Variants in NTM observed in about 807,000 individuals in gnomAD.
NTM encodes the protein neurotrimin, also known as IgLON family member 2.
In NTM, 13 loss-of-function variants were observed where a neutral mutation model predicts 42.1. The ratio of observed to expected loss-of-function variants is 0.31; its 90% CI spans 0.20 to 0.49. The LOEUF (loss-of-function observed/expected upper bound fraction) is 0.49. Among genes scored for constraint, NTM ranks in the 20% least tolerant of loss-of-function variants. The probability of loss-of-function intolerance (pLI) is 0.99; values close to 1 mark genes in which losing one functional copy is unlikely to be tolerated. For synonymous variants in NTM, 187 were observed against 179.2 expected (o/e 1.04, Z -0.35); for missense variants, 373 against 452.8 (o/e 0.82, Z 1.60).
chr11:132,282,976 C>CTTTTTTTTT (rs142817071), intron 4 of NTM, among the ~76,000 whole-genome samples: 7,248 of 108,140 alleles, frequency 0.067, 597 homozygotes, highest in Non-Finnish European at 0.1. Flanking sequence ...TCCTTTATTC[C>CTTTTTTTTT]TTTTTTTTTT....
At chr11:131,648,710 C>A (rs559913547) in intron 1 of NTM, among the ~76,000 whole-genome samples, 1 of 152,112 alleles carries the variant, frequency 6.6e-6, no homozygotes, top group African/African-American at 2.4e-5. Flanking sequence ...TACCAACATG[C>A]CTTTATTATT....
chr11:132,315,043 G>GGAGAAAAATACTT, intron 7 of NTM: 1 of 1,074,294 alleles, frequency 9.3e-7, no homozygotes, highest in East Asian at 5.9e-5. Context: ...TCCCGAGATA[G>GGAGAAAAATACTT]GAGAAAAATA....
At chr11:131,498,061 C>G (rs1050619265) in intron 1 of NTM, among the ~76,000 whole-genome samples, 6 of 152,224 alleles carry the variant, frequency 3.9e-5, no homozygotes, top group African/African-American at 1.4e-4. Context: ...GGTGTGTTCT[C>G]TCCGTTTCTC....
At chr11:131,747,263 A>C (rs888020630) in intron 1 of NTM, among the ~76,000 whole-genome samples, 8 of 152,192 alleles carry the variant, frequency 5.3e-5, no homozygotes, top group Non-Finnish European at 2.9e-5. Context: ...TTGAATTGCC[A>C]GCTGAATAAC....
intron 4 of NTM, among the ~76,000 whole-genome samples, chr11:132,260,930 T>C (rs114235197): frequency 1.2e-4 from 19 of 152,296 alleles, no homozygotes; most frequent in African/African-American, 3.9e-4. Context: ...AGACCTACTT[T>C]CTTTAGGAAA....
chr11:131,486,373 G>A (rs4937631), intron 1 of NTM, among the ~76,000 whole-genome samples: 108,276 of 151,990 alleles, frequency 0.71, 38,977 homozygotes, highest in Non-Finnish European at 0.77. Flanking sequence ...AAGAATGTAG[G>A]TTCATTGTGC....
chr11:131,789,542 G>GA lies in NTM; in HGVS notation c.83-122020dup, dbSNP rs2090243777. ...AGAAGAAGAAGAAGAAGAAGAAGAA[G>GA]AAGAAAAGAAGAAGAAGAAGAAGAA... is the stretch of plus-strand genomic sequence containing the variant. On this transcript the variant is annotated intron_variant, in intron 1 of 8. Transcript: ENST00000683400. Among the ~76,000 whole-genome samples the GA allele has an allele frequency of 1.1e-4, 2 of 19,006 alleles. 1 individual carries two copies. Among genetic ancestry groups the GA allele is most frequent in the African/African-American group, 5.9e-4 (2 of 3,390 alleles). The allele number at this position is 19,006 out of a possible 152,430, so 12.5% of individuals were successfully genotyped here. A position where few individuals can be genotyped will look rare whatever the true frequency, so the allele number is the denominator to read the frequency against.
chr11:131,972,946 A>G (rs1202850206), intron 2 of NTM, among the ~76,000 whole-genome samples: 3 of 152,238 alleles, frequency 2.0e-5, no homozygotes, highest in Non-Finnish European at 2.9e-5. Flanking sequence ...AGTAGAAACA[A>G]TTCAACAATA....
chr11:132,205,974 A>G (rs575086043), intron 3 of NTM, among the ~76,000 whole-genome samples: 2 of 152,266 alleles, frequency 1.3e-5, no homozygotes, highest in East Asian at 3.9e-4. Flanking sequence ...TCCAGATGCT[A>G]CTTAACAGAA....
At chr11:131,675,297 G>A (rs1268933957) in intron 1 of NTM, among the ~76,000 whole-genome samples, 4 of 152,110 alleles carry the variant, frequency 2.6e-5, no homozygotes, top group South Asian at 4.1e-4. Context: ...AATATATCAC[G>A]GGTGGTTTTC....
intron 2 of NTM, among the ~76,000 whole-genome samples, chr11:131,993,849 A>G (rs987905973): frequency 7.2e-5 from 11 of 151,882 alleles, no homozygotes; most frequent in African/African-American, 2.7e-4. Flanking sequence ...TAAAAATACA[A>G]AAAATTAGCT....
At chr11:131,913,920 C>T (rs915663750) in intron 2 of NTM, among the ~76,000 whole-genome samples, 26 of 152,290 alleles carry the variant, frequency 1.7e-4, no homozygotes, top group African/African-American at 6.3e-4. Flanking sequence ...TGACCACAGG[C>T]CTGACTTAGG....
intron 1 of NTM, among the ~76,000 whole-genome samples, chr11:131,559,403 T>C (rs2055914691): frequency 1.3e-5 from 2 of 152,244 alleles, no homozygotes; most frequent in South Asian, 4.1e-4. Flanking sequence ...TTTTTACTTT[T>C]AAGAATATGC....
At position 132,211,534 on chromosome 11, in the gene NTM, A is replaced by G. The variant is rs1440522903; in HGVS notation, c.401-488A>G. On this transcript the variant is annotated intron_variant, in intron 3 of 8. Transcript: ENST00000683400. ...GTCAGCAGAGGTGGGATCACTGGGG[A>G]TGGCCATGGAAAGGTGGGCTGATGC... Among the ~76,000 whole-genome samples, 9 of 152,244 alleles carry G rather than the reference A, an allele frequency of 5.9e-5. No homozygotes were observed. The East Asian group carries it at 1.5e-3, about 26-fold the overall frequency.
At chr11:132,192,206 A>G (rs2079424360) in intron 3 of NTM, among the ~76,000 whole-genome samples, 1 of 152,210 alleles carries the variant, frequency 6.6e-6, no homozygotes, top group South Asian at 2.1e-4. Flanking sequence ...TGCAAGACAC[A>G]TAGTCATCAG....
chr11:132,195,562 C>T (rs1320153213), intron 3 of NTM, among the ~76,000 whole-genome samples: 1 of 151,346 alleles, frequency 6.6e-6, no homozygotes, highest in Non-Finnish European at 1.5e-5. Context: ...AACTATACTA[C>T]AAGGCTACAG....
At chr11:131,858,827 T>C (rs375715458) in intron 1 of NTM, among the ~76,000 whole-genome samples, 15 of 152,308 alleles carry the variant, frequency 9.8e-5, no homozygotes, top group African/African-American at 2.9e-4. Context: ...TACTGTGAAA[T>C]TGGCAATAAT....
intron 2 of NTM, among the ~76,000 whole-genome samples, chr11:132,027,253 A>G (rs537169359): frequency 1.3e-5 from 2 of 152,306 alleles, no homozygotes; most frequent in East Asian, 3.9e-4. Context: ...AACTACAACA[A>G]CTGATGAATT....
intron 1 of NTM, among the ~76,000 whole-genome samples, chr11:131,437,524 T>C (rs1949247879): frequency 6.6e-6 from 1 of 152,160 alleles, no homozygotes; most frequent in Non-Finnish European, 1.5e-5. Context: ...AATTGATCCC[T>C]TTATCATTAT....
Sources: gnomAD v4.1 joint callset for allele counts (sites outside exome capture counted in the v4.1 genomes callset) on GRCh38, gnomAD v4.1.1 for gene constraint, MANE v1.5 for transcripts, NCBI Gene and HGNC (gene_info 2026-07-23, HGNC 2026-07-21) for gene names.